RPS6KC1: variants seen among roughly 807,000 people sequenced by gnomAD.
RPS6KC1 encodes ribosomal protein S6 kinase C1.
A neutral mutation model predicts 103.8 loss-of-function variants in RPS6KC1; 54 were observed. The ratio of observed to expected loss-of-function variants is 0.52; its 90% CI spans 0.42 to 0.65. The LOEUF (loss-of-function observed/expected upper bound fraction) is 0.65. Ranked by LOEUF, RPS6KC1 falls within the 30% of genes least tolerant of loss-of-function variation. The pLI, the probability that RPS6KC1 is intolerant of heterozygous loss-of-function variation, is 0.00. For synonymous variants in RPS6KC1, 439 were observed against 438.7 expected, an observed-to-expected ratio of 1.00 and a Z score of -0.01; for missense variants, 1,151 against 1,253.8, an observed-to-expected ratio of 0.92 and a Z score of 1.24.
chr1:213,400,926 C>T, the RPS6KC1 span, among the ~76,000 whole-genome samples: 19 of 152,146 alleles, frequency 1.2e-4, no homozygotes, highest in Middle Eastern at 3.4e-3. Context: ...AGGCTGGTCT[C>T]GAACTCCTGA....
At chr1:213,709,014 T>C in the RPS6KC1 span, among the ~76,000 whole-genome samples, 1 of 152,184 alleles carries the variant, frequency 6.6e-6, no homozygotes, top group African/African-American at 2.4e-5. Flanking sequence ...GAAATTTTCT[T>C]TTTTTGTTGT....
intron 14 of RPS6KC1, among the ~76,000 whole-genome samples, chr1:213,267,275 C>T (rs188201233): frequency 2.0e-5 from 3 of 151,574 alleles, no homozygotes; most frequent in Non-Finnish European, 4.4e-5. Context: ...GGGGTGACCC[C>T]GAGAAAGCCA....
the RPS6KC1 span, among the ~76,000 whole-genome samples, chr1:213,750,128 C>T: frequency 6.6e-6 from 1 of 152,150 alleles, no homozygotes; most frequent in Non-Finnish European, 1.5e-5. Context: ...TTTTGGTTTA[C>T]TTTGTTCGGG....
chr1:213,697,558 C>T, the RPS6KC1 span, among the ~76,000 whole-genome samples: 1 of 152,212 alleles, frequency 6.6e-6, no homozygotes, highest in Non-Finnish European at 1.5e-5. Context: ...GGCTCCTTCT[C>T]CAGCTACTTG....
chr1:213,594,017 C>A, the RPS6KC1 span, among the ~76,000 whole-genome samples: 2 of 152,028 alleles, frequency 1.3e-5, no homozygotes, highest in Admixed American at 1.3e-4. Context: ...AGGCGTGCAC[C>A]ACCACTCCAG....
At chr1:213,754,356 T>C in the RPS6KC1 span, among the ~76,000 whole-genome samples, 22 of 152,286 alleles carry the variant, frequency 1.4e-4, no homozygotes, top group Non-Finnish European at 1.5e-5. Flanking sequence ...TTAAATTCCC[T>C]CTCAAAGGCC....
chr1:213,075,338 A>G (rs187076910), intron 2 of RPS6KC1, among the ~76,000 whole-genome samples: 3 of 152,296 alleles, frequency 2.0e-5, no homozygotes, highest in Non-Finnish European at 2.9e-5. Context: ...GCAATGTCGT[A>G]TGATTGTAAT....
At chr1:213,500,682 G>C in the RPS6KC1 span, among the ~76,000 whole-genome samples, 2 of 152,162 alleles carry the variant, frequency 1.3e-5, no homozygotes, top group Non-Finnish European at 1.5e-5. Flanking sequence ...GAATTTTCCA[G>C]CTCCATCATA....
At chr1:213,445,989 G>A in the RPS6KC1 span, among the ~76,000 whole-genome samples, 1 of 152,218 alleles carries the variant, frequency 6.6e-6, no homozygotes, top group Non-Finnish European at 1.5e-5. Flanking sequence ...GGGTGAGTCG[G>A]TGGTGGCACG....
chr1:213,117,377 C>T lies in RPS6KC1; in HGVS notation c.439C>T (p.Leu147Phe). Residue 147 changes from leucine (L) to phenylalanine (F), a missense_variant, in exon 5 of 15, where the codon CTC becomes TTC. Transcript: ENST00000366960. ...TCCTGCTGAAGCTCACTCAGATTCC[C>T]TCATTGATACCTTTCCTGAGTGTAG... ...IGPAEAHSDS[L>F]IDTFPECSTE... The T allele has an allele frequency of 6.2e-7, 1 of 1,609,598 alleles. No individual in the cohort carries two copies. Among genetic ancestry groups the T allele is most frequent in the East Asian group, 2.2e-5 (1 of 44,770 alleles).
the RPS6KC1 span, among the ~76,000 whole-genome samples, chr1:213,574,006 C>G: frequency 4.6e-5 from 7 of 152,154 alleles, no homozygotes; most frequent in Non-Finnish European, 8.8e-5. Flanking sequence ...AAGCCCTGAC[C>G]CTGTGGCCCT....
the RPS6KC1 span, among the ~76,000 whole-genome samples, chr1:213,563,481 A>G: frequency 6.7e-6 from 1 of 149,784 alleles, no homozygotes; most frequent in Non-Finnish European, 1.5e-5. Flanking sequence ...TATTTCTCCA[A>G]AGATTTTGTT....
At chr1:213,154,667 A>G (rs1433913258) in intron 6 of RPS6KC1, among the ~76,000 whole-genome samples, 1 of 152,216 alleles carries the variant, frequency 6.6e-6, no homozygotes, top group Non-Finnish European at 1.5e-5. Context: ...CCCACTGGCC[A>G]AGGGCAGGTC....
the RPS6KC1 span, among the ~76,000 whole-genome samples, chr1:213,717,434 A>G: frequency 6.6e-6 from 1 of 152,252 alleles, no homozygotes; most frequent in Non-Finnish European, 1.5e-5. Flanking sequence ...ACATGTGTGC[A>G]GTTAATGAGA....
chr1:213,673,827 T>C, the RPS6KC1 span, among the ~76,000 whole-genome samples: 2 of 152,136 alleles, frequency 1.3e-5, no homozygotes, highest in South Asian at 2.1e-4. Context: ...TTATTCTTTC[T>C]TTTTTAGTCA....
the RPS6KC1 span, among the ~76,000 whole-genome samples, chr1:213,636,786 G>T: frequency 6.6e-6 from 1 of 152,146 alleles, no homozygotes; most frequent in African/African-American, 2.4e-5. Context: ...AAACTAAAGA[G>T]CTTCTGCACA....
intron 14 of RPS6KC1, among the ~76,000 whole-genome samples, chr1:213,270,398 A>C (rs895734225): frequency 7.2e-5 from 11 of 152,218 alleles, no homozygotes; most frequent in Non-Finnish European, 1.2e-4. Flanking sequence ...TGATACCAAA[A>C]GCATGGTCCA....
chr1:213,712,736 A>T, the RPS6KC1 span, among the ~76,000 whole-genome samples: 1 of 152,138 alleles, frequency 6.6e-6, no homozygotes, highest in Non-Finnish European at 1.5e-5. Context: ...TCACTGCAGG[A>T]TCCCTCACAG....
chr1:213,854,521 T>TTTCC, the RPS6KC1 span, among the ~76,000 whole-genome samples: 1 of 86,656 alleles, frequency 1.2e-5, no homozygotes, highest in Non-Finnish European at 2.2e-5. Context: ...TCTTTCTTTC[T>TTTCC]TTCTTTCTTT....
Sources: gnomAD v4.1 joint callset for allele counts (sites outside exome capture counted in the v4.1 genomes callset) on GRCh38, gnomAD v4.1.1 for gene constraint, MANE v1.5 for transcripts, NCBI Gene and HGNC (gene_info 2026-07-23, HGNC 2026-07-21) for gene names.